RAP1GAP2: variants seen among roughly 807,000 people sequenced by gnomAD.
The protein encoded by RAP1GAP2 is RAP1 GTPase activating protein 2.
RAP1GAP2 carries 27 observed loss-of-function variants against 95.0 expected under a neutral mutation model. That is an observed-to-expected ratio of 0.28 (90% CI 0.21 to 0.39). The LOEUF is 0.39. Ranked by LOEUF, RAP1GAP2 falls within the 10% of genes least tolerant of loss-of-function variation. The pLI, the probability that RAP1GAP2 is intolerant of heterozygous loss-of-function variation, is 1.00. For missense variants in RAP1GAP2, 771 were observed against 970.0 expected (o/e 0.79, Z 2.72); for synonymous variants, 373 against 380.9 (o/e 0.98, Z 0.24).
chr17:2,807,419 CAG>C (rs960266464), intron 2 of RAP1GAP2, among the ~76,000 whole-genome samples: 3 of 152,158 alleles, frequency 2.0e-5, no homozygotes, highest in South Asian at 2.1e-4. Flanking sequence ...TTGTCAAGGA[CAG>C]GGGGAGCTTG....
At chr17:2,834,060 G>A (rs559797455) in intron 2 of RAP1GAP2, among the ~76,000 whole-genome samples, 2 of 152,276 alleles carry the variant, frequency 1.3e-5, no homozygotes, top group African/African-American at 4.8e-5. Flanking sequence ...CCCGCCTGGT[G>A]TCTTTGCAGC....
At chr17:2,914,929 T>A (rs1363001506) in intron 3 of RAP1GAP2, among the ~76,000 whole-genome samples, 1 of 140,182 alleles carries the variant, frequency 7.1e-6, no homozygotes, top group Non-Finnish European at 1.6e-5. Context: ...GTAGCTGGGA[T>A]TACAGGTGCC....
At chr17:2,962,538 G>T in intron 4 of RAP1GAP2, 132 bp from the exon 5 acceptor site, 1 of 963,352 alleles carries the variant, frequency 1.0e-6, no homozygotes, top group Non-Finnish European at 1.6e-6. Context: ...GGTGTGATGT[G>T]TGCAGGCCCA....
At chr17:2,909,579 G>A (rs1239547167) in intron 3 of RAP1GAP2, among the ~76,000 whole-genome samples, 1 of 152,242 alleles carries the variant, frequency 6.6e-6, no homozygotes, top group African/African-American at 2.4e-5. Flanking sequence ...CATCCACTGG[G>A]TGCCTGCCCC....
intron 2 of RAP1GAP2, among the ~76,000 whole-genome samples, chr17:2,848,161 G>A (rs572979919): frequency 1.3e-5 from 2 of 152,240 alleles, no homozygotes; most frequent in East Asian, 1.9e-4. Context: ...CAGGGTGCCC[G>A]CCACTGAGTG....
rs117731294 is a variant in RAP1GAP2 at position 2,777,196 on chromosome 17, C to T, written c.-96C>T. On this transcript the variant is annotated 5_prime_UTR_variant, in exon 1 of 25. Coordinates refer to the RAP1GAP2 transcript ENST00000540393. ...GGGCGGGGCGCTGCACACACGTCCACCTATAGGGTGTGTGTGCGTGCGTGA... is the reference window on the plus strand; with the variant it reads ...GGGCGGGGCGCTGCACACACGTCCATCTATAGGGTGTGTGTGCGTGCGTGA... 605 of 152,430 alleles carry T rather than the reference C, an allele frequency of 4.0e-3. 2 individuals carry two copies. The highest frequency in any genetic ancestry group is 0.017 in the Middle Eastern group (5 of 292). 9.4% of individuals were successfully genotyped at this position (152,430 alleles called of 1,614,324 possible).
At position 2,827,649 on chromosome 17, in the gene RAP1GAP2, A is replaced by T. The variant is rs1043924484; in HGVS notation, c.80+27099A>T. On this transcript the variant is annotated intron_variant, in intron 2 of 24. Transcript: ENST00000254695. The surrounding 1 kb of genome is among the most constrained non-coding windows in gnomAD (Gnocchi z 4.1). ...ATGGTGAAACCCCCTCTCTACTAAA[A>T]ATACAAAAATTAGCCGGGCGTGGTG... Among the ~76,000 whole-genome samples, 6 of 151,860 alleles carry T rather than the reference A, an allele frequency of 4.0e-5. No homozygotes were observed. Among genetic ancestry groups the T allele is most frequent in the African/African-American group, 1.2e-4 (5 of 41,336 alleles).
Position 2,927,320 on chromosome 17 carries a change from A to AT in RAP1GAP2, c.165+21958dup, listed in dbSNP as rs1309902430. On this transcript the variant is annotated intron_variant, in intron 3 of 24. Transcript: ENST00000254695. Reference sequence around the variant, plus strand: ...AGGCACCCGCCACCGCGCCCGGCTAATTTTTTGTATTTTTAGTAGAGACGG... The same window carrying AT: ...AGGCACCCGCCACCGCGCCCGGCTAATTTTTTTGTATTTTTAGTAGAGACGG... Among the ~76,000 whole-genome samples, 16 of 151,894 alleles carry AT rather than the reference A, an allele frequency of 1.1e-4. No homozygotes were observed. The East Asian group carries it at 1.2e-3, about 11-fold the overall frequency.
rs767026194 is a variant in RAP1GAP2 at position 2,797,713 on chromosome 17, G to A, written c.44+1142G>A. 5 of 985,406 alleles carry A rather than the reference G, an allele frequency of 5.1e-6. No individual in the cohort carries two copies. Among genetic ancestry groups the A allele is most frequent in the Non-Finnish European group, 6.0e-6 (5 of 829,922 alleles). 61.0% of individuals were successfully genotyped at this position (985,406 alleles called of 1,614,324 possible). ...GATGGGATGGTGCGGATGAGAAGAT[G>A]GCACAGCGTCGCCTGTGTCTGCTCT... On this transcript the variant is annotated intron_variant, in intron 1 of 24. Coordinates refer to ENST00000254695, the MANE Select transcript of RAP1GAP2 (RefSeq NM_015085.5). The surrounding 1 kb of genome is among the most constrained non-coding windows in gnomAD (Gnocchi z 5.6).
Position 2,825,648 on chromosome 17 carries a change from C to T in RAP1GAP2, c.80+25098C>T, listed in dbSNP as rs1203722875. Among the ~76,000 whole-genome samples, 1 of 152,064 alleles carries T rather than the reference C, an allele frequency of 6.6e-6. No homozygotes were observed. The highest frequency in any genetic ancestry group is 1.5e-5 in the Non-Finnish European group (1 of 68,024). ...GAAGATAAGGAGCGTCCCTGTCTCA[C>T]AGGGATGTTTGAGGATGAAATGAGC... is the stretch of plus-strand genomic sequence containing the variant. On this transcript the variant is annotated intron_variant, in intron 2 of 24. Transcript: ENST00000254695. This position sits in a 1 kb window ranked among gnomAD's most constrained non-coding sequence, Gnocchi z 4.1.
intron 12 of RAP1GAP2, 81 bp downstream of exon 12, chr17:2,991,478 G>A (rs1230407971): frequency 6.6e-6 from 7 of 1,065,080 alleles, no homozygotes; most frequent in Non-Finnish European, 8.4e-6. Flanking sequence ...TCCTCAGGGA[G>A]CACGTGTGAG....
rs367895358 is a variant in RAP1GAP2, at chr17:3,005,921, G to C, written c.1273-34G>C. 1.3e-6 allele frequency: 2 copies of C among 1,588,768 alleles called. No individual in the cohort carries two copies. The highest frequency in any genetic ancestry group is 1.7e-6 in the Non-Finnish European group (2 of 1,157,230). On this transcript the variant is annotated intron_variant, in intron 15 of 24. Coordinates refer to ENST00000254695, the MANE Select transcript of RAP1GAP2 (RefSeq NM_015085.5). This position sits in a 1 kb window ranked among gnomAD's most constrained non-coding sequence, Gnocchi z 5.2. Reference sequence around the variant, plus strand: ...GAAGACCTTCTGGCAACAGCCGAGAGTGACAGACCTGAGGTCCGTCTTGTC... The same window carrying C: ...GAAGACCTTCTGGCAACAGCCGAGACTGACAGACCTGAGGTCCGTCTTGTC...
At position 2,983,456 on chromosome 17, in the gene RAP1GAP2, A is replaced by G. The variant is rs148412047; in HGVS notation, c.730-1527A>G. On this transcript the variant is annotated intron_variant, in intron 10 of 24. Transcript: ENST00000254695. ...AGCGTCATAAAAAACAAAACAAAAC[A>G]GAAACAAAGATATTGCGCCATCTTT... Among the ~76,000 whole-genome samples, 829 of 152,318 alleles carry G rather than the reference A, an allele frequency of 5.4e-3. 9 individuals are homozygous for G. Among genetic ancestry groups the G allele is most frequent in the African/African-American group, 0.018 (763 of 41,570 alleles).
At chr17:2,983,090 A>G (rs1423699405) in intron 10 of RAP1GAP2, among the ~76,000 whole-genome samples, 1 of 152,230 alleles carries the variant, frequency 6.6e-6, no homozygotes, top group African/African-American at 2.4e-5. Context: ...CCGTTTCCCC[A>G]GACAGCTGAC....
Position 2,965,741 on chromosome 17 carries a change from C to A in RAP1GAP2, c.596+98C>A. 1 of 915,952 alleles carries A rather than the reference C, an allele frequency of 1.1e-6. No homozygotes were observed. The highest frequency in any genetic ancestry group is 1.7e-6 in the Non-Finnish European group (1 of 584,882). 56.7% of individuals were successfully genotyped at this position (915,952 alleles called of 1,614,324 possible). ...TGGGACTCAGAAATACCAGACTGAC[C>A]AGTCTGGTCTGGGTGCACTGGCTGA... is the stretch of plus-strand genomic sequence containing the variant. On this transcript the variant is annotated intron_variant, in intron 8 of 24. Transcript: ENST00000254695. This position sits in a 1 kb window ranked among gnomAD's most constrained non-coding sequence, Gnocchi z 4.7.
At chr17:2,832,360 C>A (rs1487496909) in intron 2 of RAP1GAP2, among the ~76,000 whole-genome samples, 3 of 151,326 alleles carry the variant, frequency 2.0e-5, no homozygotes, top group Non-Finnish European at 4.4e-5. Flanking sequence ...AGATCGAGAT[C>A]ATCCTGGCTA....
rs767102582 is a variant in RAP1GAP2, at chr17:2,980,307, A to G, written c.617A>G (p.His206Arg). Residue 206 changes from histidine (H) to arginine (R), a missense_variant, in exon 9 of 25, where the codon CAT becomes CGT. By Grantham distance (29) the His-to-Arg change is conservative (BLOSUM62 0). Transcript: ENST00000254695. ...TGCAGGTCCAAACTGAAGACGGTAC[A>G]TGAGCGGATCCCCTTGGCTGGACTG... ...VILRSKLKTV[H>R]ERIPLAGLSK... The G allele has an allele frequency of 6.2e-7, 1 of 1,613,844 alleles. No homozygotes were observed. The highest frequency in any genetic ancestry group is 8.5e-7 in the Non-Finnish European group (1 of 1,179,844).
At chr17:2,761,832 C>T (rs2071255248) in intron 1 of RAP1GAP2, among the ~76,000 whole-genome samples, 1 of 152,000 alleles carries the variant, frequency 6.6e-6, no homozygotes, top group Non-Finnish European at 1.5e-5. Flanking sequence ...TTTCCACATC[C>T]CCATCAACAC....
At chr17:2,884,372 G>GTTTTTTTT (rs72123618) in intron 2 of RAP1GAP2, among the ~76,000 whole-genome samples, 2 of 123,736 alleles carry the variant, frequency 1.6e-5, no homozygotes, top group Non-Finnish European at 3.4e-5. Flanking sequence ...TTCTTGAGTT[G>GTTTTTTTT]TTTTTTTTTT....
Sources: allele counts gnomAD v4.1 joint callset (sites outside exome capture counted in the v4.1 genomes callset), GRCh38; gene constraint gnomAD v4.1.1; non-coding constraint Gnocchi (gnomAD v3.1); transcripts MANE v1.5; gene names NCBI Gene and HGNC (gene_info 2026-07-23, HGNC 2026-07-21).